The following BMP2K variants were observed in gnomAD, a reference collection of about 807,000 sequenced individuals.
BMP2K encodes the protein BMP2 inducible kinase, also known as BMP-2-inducible protein kinase.
In BMP2K, 74 loss-of-function variants were observed where a neutral mutation model predicts 116.0. The observed-to-expected ratio is 0.64, with a 90% CI of 0.53 to 0.77. The LOEUF is 0.77. Among genes scored for constraint, BMP2K ranks in the 30% least tolerant of loss-of-function variants. The pLI is 0.00. For missense variants in BMP2K, 1,365 were observed against 1,403.6 expected (o/e 0.97, Z 0.44); for synonymous variants, 486 against 502.5 (o/e 0.97, Z 0.44).
At chr4:78,813,060 A>G (rs1200063934) in intron 1 of BMP2K, among the ~76,000 whole-genome samples, 3 of 152,002 alleles carry the variant, frequency 2.0e-5, no homozygotes, top group Non-Finnish European at 4.4e-5. Flanking sequence ...AAAAAAAAAA[A>G]GATATGCAGA....
At chr4:78,868,360 C>T (rs370174608) in intron 10 of BMP2K, among the ~76,000 whole-genome samples, 222 of 152,250 alleles carry the variant, frequency 1.5e-3, no homozygotes, top group African/African-American at 5.1e-3. Context: ...GATTCAGTTA[C>T]CTCCCCCTGG....
intron 1 of BMP2K, among the ~76,000 whole-genome samples, chr4:78,822,935 T>C (rs146272011): frequency 2.6e-5 from 4 of 152,158 alleles, no homozygotes; most frequent in Admixed American, 2.6e-4. Context: ...TACTATAGTG[T>C]CCTAACTAGT....
At chr4:78,807,012 G>C (rs891212308) in intron 1 of BMP2K, among the ~76,000 whole-genome samples, 6 of 151,768 alleles carry the variant, frequency 4.0e-5, no homozygotes, top group African/African-American at 1.2e-4. Flanking sequence ...ACCACCCCCA[G>C]CTAATTTTCG....
At position 78,910,787 on chromosome 4, in the gene BMP2K, A is replaced by C. The variant is rs769682431; in HGVS notation, c.2240A>C (p.Asp747Ala). Residue 747 changes from aspartate to alanine, a missense_variant, in exon 16 of 16, where the codon GAT (aspartate) becomes GCT (alanine). Physicochemically the swap from Asp to Ala is moderately radical, Grantham distance 126. Coordinates refer to ENST00000502613, the MANE Select transcript of BMP2K (RefSeq NM_198892.2). ...GAATCTGAAAGTGATTTTGAATCAGATCCCCCTTCTCCTAAGAGCAGTGAA... is the reference window on the plus strand; with the variant it reads ...GAATCTGAAAGTGATTTTGAATCAGCTCCCCCTTCTCCTAAGAGCAGTGAA... ...NDESESDFESDPPSPKSSEEE... is the reference protein window; with the variant it reads ...NDESESDFESAPPSPKSSEEE... 1 of 1,613,888 alleles carries C rather than the reference A, an allele frequency of 6.2e-7. No homozygotes were observed. Among genetic ancestry groups the C allele is most frequent in the Non-Finnish European group, 8.5e-7 (1 of 1,179,856 alleles).
intron 15 of BMP2K, among the ~76,000 whole-genome samples, chr4:78,888,688 C>T (rs779054170): frequency 1.3e-5 from 2 of 152,162 alleles, no homozygotes; most frequent in Non-Finnish European, 1.5e-5. Flanking sequence ...TTTTGTACTT[C>T]GCAACATGTT....
At chr4:78,887,899 T>A (rs1471801734) in intron 15 of BMP2K, among the ~76,000 whole-genome samples, 2 of 152,176 alleles carry the variant, frequency 1.3e-5, no homozygotes, top group African/African-American at 4.8e-5. Context: ...AAGGGAAATA[T>A]GTTAGAAGAA....
rs754236974 is a variant in BMP2K at position 78,911,814 on chromosome 4, C to A, written c.3267C>A (p.Ser1089Arg). ...LSWHPPHQGLSDIRADHNTVL... is the reference protein window; with the variant it reads ...LSWHPPHQGLRDIRADHNTVL... The stretch of plus-strand genomic sequence containing the variant: ...GGCACCCTCCACATCAGGGCCTGAG[C>A]GACATCCGTGCTGATCACAATACTG... The change falls in exon 16 of 16, where the codon AGC becomes AGA. Residue 1089 changes from serine (S) to arginine (R), a missense_variant. Ser to Arg is a moderately radical substitution (Grantham distance 110, BLOSUM62 -1). This residue lies in a region of BMP2K where 596 missense variants were observed against 623.2 expected (regional missense o/e 0.96). Transcript: ENST00000502613. 5.0e-6 allele frequency: 8 copies of A among 1,613,916 alleles called. No individual in the cohort carries two copies. The highest frequency in any genetic ancestry group is 5.9e-6 in the Non-Finnish European group (7 of 1,179,864).
intron 1 of BMP2K, among the ~76,000 whole-genome samples, chr4:78,800,702 G>T (rs2109954300): frequency 6.6e-6 from 1 of 152,220 alleles, no homozygotes; most frequent in Non-Finnish European, 1.5e-5. Flanking sequence ...CTTGGAGATA[G>T]AGCTCTTTTT....
rs190763194 is a variant in BMP2K, at chr4:78,827,978, G to C, written c.297+1823G>C. 2.6e-3 allele frequency among the ~76,000 whole-genome samples: 394 copies of C among 152,266 alleles called. 1 individual carries two copies. The highest frequency in any genetic ancestry group is 4.4e-3 in the Non-Finnish European group (302 of 68,014). ...AGTGTCCAGTAGAATCCAGCAGCAC[G>C]TCACACAGTTCCAGAGTCACCCTAG... On this transcript the variant is annotated intron_variant, in intron 2 of 15. Coordinates refer to ENST00000502613, the MANE Select transcript of BMP2K (RefSeq NM_198892.2).
At chr4:78,887,305 C>A in intron 15 of BMP2K, 21 bp downstream of exon 15, 1 of 1,501,448 alleles carries the variant, frequency 6.7e-7, no homozygotes, top group Non-Finnish European at 9.2e-7. Context: ...CATGTAACAT[C>A]ATCACTGTCA....
At chr4:78,904,031 CCTTT>C (rs1734157014) in intron 15 of BMP2K, among the ~76,000 whole-genome samples, 1 of 151,844 alleles carries the variant, frequency 6.6e-6, no homozygotes, top group East Asian at 1.9e-4. Context: ...CTCTCAGAAT[CCTTT>C]CTTATGCTTT....
At position 78,855,496 on chromosome 4, in the gene BMP2K, C is replaced by T. The variant is rs79214362; in HGVS notation, c.884-4088C>T. On this transcript the variant is annotated intron_variant, in intron 7 of 15. Transcript: ENST00000502613. ...TATCTAGGCCCAGGCATGGATCCTT[C>T]GTTTTGTGTAACTTGAATGGTAACT... 3.7e-3 allele frequency among the ~76,000 whole-genome samples: 562 copies of T among 152,170 alleles called. 3 individuals are homozygous for T. Among genetic ancestry groups the T allele is most frequent in the African/African-American group, 0.013 (520 of 41,510 alleles).
chr4:78,843,223 C>G (rs1338445197), intron 4 of BMP2K, among the ~76,000 whole-genome samples: 1 of 151,900 alleles, frequency 6.6e-6, no homozygotes, highest in African/African-American at 2.4e-5. Context: ...CCTAGATATT[C>G]CTCTGACTAC....
At chr4:78,829,842 C>T (rs968594661) in intron 2 of BMP2K, among the ~76,000 whole-genome samples, 2 of 137,692 alleles carry the variant, frequency 1.5e-5, no homozygotes, top group African/African-American at 5.9e-5. Context: ...CTTCTCTTCT[C>T]TTCTCTTCTT....
At chr4:78,867,089 T>G (rs1732089877) in intron 10 of BMP2K, among the ~76,000 whole-genome samples, 1 of 151,744 alleles carries the variant, frequency 6.6e-6, no homozygotes, top group African/African-American at 2.4e-5. Context: ...AGAGGATCCC[T>G]TGGACCCAGT....
intron 1 of BMP2K, among the ~76,000 whole-genome samples, chr4:78,781,807 A>T (rs962418119): frequency 6.6e-6 from 1 of 152,142 alleles, no homozygotes; most frequent in East Asian, 1.9e-4. Flanking sequence ...AGTGATACAG[A>T]TGCTGCCGGT....
intron 14 of BMP2K, among the ~76,000 whole-genome samples, chr4:78,884,611 G>A (rs1185769736): frequency 1.3e-5 from 2 of 152,148 alleles, no homozygotes; most frequent in African/African-American, 4.8e-5. Flanking sequence ...TCTTCCATTT[G>A]TTCTTTCTCA....
rs755667868 is a variant in BMP2K at position 78,911,285 on chromosome 4, A to G, written c.2738A>G (p.His913Arg). 1.9e-6 allele frequency: 3 copies of G among 1,614,010 alleles called. No homozygotes were observed. In the South Asian group the frequency reaches 3.3e-5, roughly 18 times the overall value. The change falls in exon 16 of 16, where the codon CAT (histidine) becomes CGT (arginine). Residue 913 changes from histidine to arginine, a missense_variant. His to Arg is a conservative substitution (Grantham distance 29). Around this residue, in one of 3 missense-constraint regions of BMP2K, gnomAD observed 596 missense variants for 623.2 expected, o/e 0.96. Coordinates refer to ENST00000502613, the MANE Select transcript of BMP2K (RefSeq NM_198892.2). ...FSKKVNVQEC[H>R]AVGPEAHTIP... ...AAGAAGGTGAATGTACAAGAATGCC[A>G]TGCAGTGGGGCCTGAGGCACATACT...
intron 1 of BMP2K, among the ~76,000 whole-genome samples, chr4:78,818,951 C>T (rs1479509760): frequency 2.0e-5 from 3 of 152,154 alleles, no homozygotes; most frequent in Middle Eastern, 3.4e-3. Context: ...TGCATGCCAC[C>T]ATGCCTGGCT....
Sources: gnomAD v4.1 joint callset for allele counts (sites outside exome capture counted in the v4.1 genomes callset) on GRCh38, gnomAD v4.1.1 for gene constraint, gnomAD v4.1.1 regional missense constraint, MANE v1.5 for transcripts, NCBI Gene and HGNC (gene_info 2026-07-23, HGNC 2026-07-21) for gene names.